Variants in CACNA1C observed in about 807,000 individuals in gnomAD.
The protein encoded by CACNA1C is calcium voltage-gated channel subunit alpha1 C, also known as voltage-dependent L-type calcium channel subunit alpha-1C.
Under a neutral mutation model 229.0 loss-of-function variants are expected in CACNA1C, and 30 were observed. The observed-to-expected ratio is 0.13, with a 90% confidence interval of 0.10 to 0.18. CACNA1C has a LOEUF of 0.18. Ranked by LOEUF, CACNA1C falls within the 10% of genes least tolerant of loss-of-function variation. The probability of loss-of-function intolerance (pLI) is 1.00; values close to 1 mark genes in which losing one functional copy is unlikely to be tolerated. For synonymous variants in CACNA1C, 1,114 were observed against 1,132.5 expected (o/e 0.98, Z 0.33); for missense variants, 1,658 against 2,845.0 (o/e 0.58, Z 9.49).
At chr12:2,535,111 C>T (rs553959212) in intron 9 of CACNA1C, among the ~76,000 whole-genome samples, 15 of 152,340 alleles carry the variant, frequency 9.8e-5, no homozygotes, top group Non-Finnish European at 1.0e-4. Flanking sequence ...CAGCTAGAGC[C>T]GGGCACGGTG....
intron 1 of CACNA1C, among the ~76,000 whole-genome samples, chr12:2,003,959 C>A (rs1477608996): frequency 1.3e-5 from 2 of 152,198 alleles, no homozygotes; most frequent in Non-Finnish European, 2.9e-5. Flanking sequence ...TTCTCGAGCA[C>A]ATCGGTCTTC....
chr12:2,598,255 C>A (rs1462205320), intron 21 of CACNA1C, among the ~76,000 whole-genome samples: 1 of 152,202 alleles, frequency 6.6e-6, no homozygotes, highest in Non-Finnish European at 1.5e-5. Context: ...GCCCCCAGCC[C>A]TTGCCTGCTG....
chr12:2,450,348 A>T (rs372217076), intron 4 of CACNA1C, among the ~76,000 whole-genome samples: 28 of 151,822 alleles, frequency 1.8e-4, no homozygotes, highest in Non-Finnish European at 3.7e-4. Context: ...AGGTCAGGAG[A>T]TCGAGACCAT....
intron 3 of CACNA1C, among the ~76,000 whole-genome samples, chr12:2,160,479 G>C (rs969977573): frequency 6.6e-6 from 1 of 152,214 alleles, no homozygotes; most frequent in Non-Finnish European, 1.5e-5. Context: ...AGCCTTCCCA[G>C]TTCCCTGTTG....
chr12:2,487,073 G>A (rs1011996388), intron 6 of CACNA1C, among the ~76,000 whole-genome samples: 5 of 152,166 alleles, frequency 3.3e-5, no homozygotes, highest in African/African-American at 1.2e-4. Context: ...GCCTTTTAAA[G>A]AAACATTTAA....
intron 3 of CACNA1C, among the ~76,000 whole-genome samples, chr12:2,417,371 G>C (rs1334783419): frequency 6.6e-6 from 1 of 152,216 alleles, no homozygotes; most frequent in Non-Finnish European, 1.5e-5. Flanking sequence ...CCCACAACAG[G>C]TTCAGTGGAT....
chr12:2,345,294 G>T (rs1040735854), intron 3 of CACNA1C, among the ~76,000 whole-genome samples: 7 of 151,944 alleles, frequency 4.6e-5, no homozygotes, highest in Non-Finnish European at 8.8e-5. Flanking sequence ...GCTCGAACAG[G>T]CAGCTCCCCC....
At chr12:2,246,025 T>A (rs1464391778) in intron 3 of CACNA1C, among the ~76,000 whole-genome samples, 1 of 152,204 alleles carries the variant, frequency 6.6e-6, no homozygotes, top group Non-Finnish European at 1.5e-5. Flanking sequence ...ACCCTAACTT[T>A]GTGCGTGGTA....
chr12:2,410,009 G>A lies in CACNA1C; in HGVS notation c.478-38967G>A, dbSNP rs576028579. Among the ~76,000 whole-genome samples, 2 of 152,198 alleles carry A rather than the reference G, an allele frequency of 1.3e-5. No homozygotes were observed. Among genetic ancestry groups the A allele is most frequent in the Non-Finnish European group, 2.9e-5 (2 of 68,028 alleles). On this transcript the variant is annotated intron_variant, in intron 3 of 46. Coordinates refer to ENST00000399655, the MANE Select transcript of CACNA1C (RefSeq NM_000719.7). The surrounding 1 kb of genome is among the most constrained non-coding windows in gnomAD (Gnocchi z 5.3). The stretch of plus-strand genomic sequence containing the variant: ...CAGGACAGCTCGGAGAGACAGGAAC[G>A]CAAACAGAGGAGAATTTTCGCTCGG...
At chr12:2,586,130 T>A (rs1347052781) in intron 18 of CACNA1C, among the ~76,000 whole-genome samples, 1 of 152,204 alleles carries the variant, frequency 6.6e-6, no homozygotes. Flanking sequence ...ATTTGAGCAG[T>A]GCTTTTGTGT....
rs536933468 is a variant in CACNA1C at position 2,046,749 on chromosome 12, C to T, written c.140-68475C>T. On this transcript the variant is annotated intron_variant, in intron 1 of 46. Transcript: ENST00000682462. Reference sequence around the variant, plus strand: ...CGAGTACTCTGGCTTCCCCTTGGGACGGACGCTGGGGCTGAGCTGCCAGGA... The same window carrying T: ...CGAGTACTCTGGCTTCCCCTTGGGATGGACGCTGGGGCTGAGCTGCCAGGA... Among the ~76,000 whole-genome samples, 16 of 152,216 alleles carry T rather than the reference C, an allele frequency of 1.1e-4. No individual in the cohort carries two copies. In the East Asian group the frequency reaches 1.7e-3, roughly 17 times the overall value.
rs1282517868 is a variant in CACNA1C at position 2,697,782 on chromosome 12, G to A, written c.*6583G>A. ...CTTCTCACCCTCGAGAAAGGCCAGGGAATCTAGAAGGGGCAACCCTTCAAG... is the reference window on the plus strand; with the variant it reads ...CTTCTCACCCTCGAGAAAGGCCAGGAAATCTAGAAGGGGCAACCCTTCAAG... On this transcript the variant is annotated 3_prime_UTR_variant, in exon 47 of 47. Transcript: ENST00000399655. The A allele has an allele frequency of 6.6e-6, 1 of 152,598 alleles. No homozygotes were observed. Among genetic ancestry groups the A allele is most frequent in the Non-Finnish European group, 1.5e-5 (1 of 68,056 alleles). The allele number at this position is 152,598 out of a possible 1,614,324, so 9.5% of individuals were successfully genotyped here.
Position 2,642,038 on chromosome 12 carries a change from C to G in CACNA1C, c.3913-6437C>G, listed in dbSNP as rs929654138. On this transcript the variant is annotated intron_variant, in intron 30 of 46. Transcript: ENST00000399655. ...GAGGGGGTGCAGACAGAGAGACGGG[C>G]CTGAGAAGTGGCCTGGTGCAGCAAG... Among the ~76,000 whole-genome samples the G allele has an allele frequency of 6.6e-5, 10 of 152,210 alleles. No individual in the cohort carries two copies. The East Asian group carries it at 1.7e-3, about 27-fold the overall frequency.
At chr12:2,583,251 C>G (rs1342271523) in intron 15 of CACNA1C, among the ~76,000 whole-genome samples, 1 of 152,228 alleles carries the variant, frequency 6.6e-6, no homozygotes. Context: ...GCGATAGGGA[C>G]GCGCGGGAGC....
intron 37 of CACNA1C, chr12:2,668,583 A>G: frequency 4.0e-6 from 1 of 247,686 alleles, no homozygotes. Context: ...GCTTCTGGGG[A>G]GGCCTCAGGA....
chr12:2,492,582 C>G (rs532101591), intron 6 of CACNA1C, among the ~76,000 whole-genome samples: 1 of 152,238 alleles, frequency 6.6e-6, no homozygotes, highest in South Asian at 2.1e-4. Context: ...AGTCCGTTTT[C>G]CGTCTTTCGC....
At chr12:2,166,542 A>T (rs2096242851) in intron 3 of CACNA1C, among the ~76,000 whole-genome samples, 1 of 152,200 alleles carries the variant, frequency 6.6e-6, no homozygotes, top group Non-Finnish European at 1.5e-5. Flanking sequence ...CTCTCTGTCT[A>T]GTATGGTGGG....
chr12:2,221,179 T>C (rs920402699), intron 3 of CACNA1C, among the ~76,000 whole-genome samples: 2 of 152,134 alleles, frequency 1.3e-5, no homozygotes, highest in African/African-American at 4.8e-5. Flanking sequence ...TGGCACACAG[T>C]GAATGACCAG....
chr12:2,156,214 G>C (rs1169623022), intron 3 of CACNA1C, among the ~76,000 whole-genome samples: 1 of 152,176 alleles, frequency 6.6e-6, no homozygotes, highest in Non-Finnish European at 1.5e-5. Flanking sequence ...GTAATGTTGT[G>C]TTTCTGGATT....
Sources: gnomAD v4.1 joint callset for allele counts (sites outside exome capture counted in the v4.1 genomes callset) on GRCh38, gnomAD v4.1.1 for gene constraint, Gnocchi (gnomAD v3.1) non-coding constraint, MANE v1.5 for transcripts, NCBI Gene and HGNC (gene_info 2026-07-23, HGNC 2026-07-21) for gene names.